The following ZNF608 variants were observed in gnomAD, a reference collection of about 807,000 sequenced individuals.
The protein encoded by ZNF608 is renal carcinoma antigen NY-REN-36.
A neutral mutation model predicts 109.0 loss-of-function variants in ZNF608; 12 were observed. The observed-to-expected ratio is 0.11, with a 90% CI of 0.07 to 0.18. The LOEUF (loss-of-function observed/expected upper bound fraction) is 0.18. Ranked by LOEUF, ZNF608 falls within the 10% of genes least tolerant of loss-of-function variation. The pLI, the probability that ZNF608 is intolerant of heterozygous loss-of-function variation, is 1.00. For synonymous variants in ZNF608, 732 were observed against 717.4 expected (o/e 1.02, Z -0.33); for missense variants, 1,707 against 1,879.3 (o/e 0.91, Z 1.70).
At chr5:124,736,839 T>C (rs1247686575) in intron 2 of ZNF608, among the ~76,000 whole-genome samples, 2 of 152,228 alleles carry the variant, frequency 1.3e-5, no homozygotes, top group Non-Finnish European at 2.9e-5. Context: ...AATTGAGGCA[T>C]ATAAAAGAGT....
At chr5:124,694,282 T>C (rs938366205) in intron 3 of ZNF608, among the ~76,000 whole-genome samples, 5 of 150,570 alleles carry the variant, frequency 3.3e-5, no homozygotes, top group Non-Finnish European at 7.4e-5. Flanking sequence ...CTTGAGCCAC[T>C]GCGCCCGGCC....
At chr5:124,710,116 G>T (rs909749889) in intron 2 of ZNF608, 6 of 425,868 alleles carry the variant, frequency 1.4e-5, no homozygotes, top group African/African-American at 6.2e-5. Context: ...TTGTCCTTGT[G>T]TGACCCTTAT....
intron 2 of ZNF608, among the ~76,000 whole-genome samples, chr5:124,733,217 C>CTTTTTT (rs67421322): frequency 2.2e-4 from 26 of 117,580 alleles, no homozygotes; most frequent in Non-Finnish European, 2.7e-4. Context: ...ATCTCTCTCT[C>CTTTTTT]TTTTTTTTTT....
At chr5:124,649,498 C>A in intron 4 of ZNF608, 112 bp downstream of exon 4, 1 of 844,252 alleles carries the variant, frequency 1.2e-6, no homozygotes, top group Non-Finnish European at 1.8e-6. Flanking sequence ...GCTCATTTCT[C>A]CTTTGCCTGG....
In ZNF608 at chr5:124,744,686, T is replaced by A; in HGVS notation, c.304A>T (p.Ser102Cys). ...TTACTCCTTTTCACTTTTGATTTGCTGGTCTCTTTGTGTGAATTCCCCTGG... is the reference window on the plus strand; with the variant it reads ...TTACTCCTTTTCACTTTTGATTTGCAGGTCTCTTTGTGTGAATTCCCCTGG... ...APQGNSHKET[S>C]KSKVKRSKTS... Residue 102 changes from serine (S) to cysteine (C), a missense_variant, in exon 2 of 10, where the codon AGC (serine) becomes TGC (cysteine). By Grantham distance (112) the Ser-to-Cys change is moderately radical. Transcript: ENST00000513986. This position sits in a 1 kb window ranked among gnomAD's most constrained non-coding sequence, Gnocchi z 4.5. The A allele has an allele frequency of 3.7e-6, 6 of 1,614,222 alleles. No homozygotes were observed. Among genetic ancestry groups the A allele is most frequent in the Non-Finnish European group, 5.1e-6 (6 of 1,180,044 alleles).
At chr5:124,686,634 G>A (rs1365227534) in intron 3 of ZNF608, among the ~76,000 whole-genome samples, 1 of 152,204 alleles carries the variant, frequency 6.6e-6, no homozygotes, top group Non-Finnish European at 1.5e-5. Flanking sequence ...TGAAGCTGAG[G>A]AAAACAGTGG....
chr5:124,649,636 G>A lies in ZNF608; in HGVS notation c.1224C>T (p.Cys408=), dbSNP rs1750693281. The A allele has an allele frequency of 6.2e-7, 1 of 1,612,324 alleles. No homozygotes were observed. Among genetic ancestry groups the A allele is most frequent in the Non-Finnish European group, 8.5e-7 (1 of 1,179,090 alleles). ...NKTYVGTLLD[C]TKHDWAPPRF... ...TGGGAGGGGCCCAGTCGTGCTTGGT[G>A]CAGTCCAGTAGGGTTCCCACGTACG... The change falls in exon 4 of 10, where the codon TGC becomes TGT. Residue 408 remains cysteine, a synonymous_variant. Coordinates refer to ENST00000513986, the MANE Select transcript of ZNF608 (RefSeq NM_020747.3).
In ZNF608 at chr5:124,744,303, G is replaced by A; in HGVS notation, c.687C>T (p.Ala229=). Residue 229 remains alanine, a synonymous_variant, in exon 2 of 10, where the codon GCC becomes GCT. Transcript: ENST00000513986. The surrounding 1 kb of genome is among the most constrained non-coding windows in gnomAD (Gnocchi z 4.5). The stretch of plus-strand genomic sequence containing the variant: ...AGCCATAGAGGTGCCCCCCGGAAGG[G>A]GCCTGGCTGCCACTGCCATTCTGGT... The part of the protein sequence containing the change: ...QGHQNGSGSQ[A]PSGGHLYGFG... 1 of 1,614,094 alleles carries A rather than the reference G, an allele frequency of 6.2e-7. No homozygotes were observed. Among genetic ancestry groups the A allele is most frequent in the Non-Finnish European group, 8.5e-7 (1 of 1,180,026 alleles).
intron 2 of ZNF608, among the ~76,000 whole-genome samples, chr5:124,721,807 G>T (rs975001297): frequency 6.6e-6 from 1 of 151,126 alleles, no homozygotes; most frequent in Non-Finnish European, 1.5e-5. Flanking sequence ...GCGAGGTGGC[G>T]GGCGCCTGTC....
At chr5:124,737,677 C>G (rs949969934) in intron 2 of ZNF608, among the ~76,000 whole-genome samples, 1 of 152,178 alleles carries the variant, frequency 6.6e-6, no homozygotes, top group Admixed American at 6.5e-5. Context: ...TTTTCTACTA[C>G]ATTCCCAAAG....
rs1165591365 is a variant in ZNF608 at position 124,647,019 on chromosome 5, G to C, written c.3365C>G (p.Thr1122Ser). ...QRLAEQKMAQ[T>S]GRGDCERKSE... The stretch of plus-strand genomic sequence containing the variant: ...TTTCCTTTCACAGTCTCCTCTCCCA[G>C]TCTGGGCCATTTTCTGCTCTGCCAG... The change falls in exon 5 of 10, where the codon ACT becomes AGT. Residue 1122 changes from threonine to serine, a missense_variant. Coordinates refer to ENST00000513986, the MANE Select transcript of ZNF608 (RefSeq NM_020747.3). 6.2e-7 allele frequency: 1 copy of C among 1,613,982 alleles called. No homozygotes were observed.
At chr5:124,709,170 C>CAAAAAAAAA (rs1156276798) in intron 2 of ZNF608, among the ~76,000 whole-genome samples, 2,031 of 32,690 alleles carry the variant, frequency 0.062, 286 homozygotes, top group Admixed American at 0.099. Flanking sequence ...GACTCTGTCT[C>CAAAAAAAAA]AAAAAAAAAA....
chr5:124,712,044 G>A (rs1580676459), intron 2 of ZNF608, among the ~76,000 whole-genome samples: 1 of 152,320 alleles, frequency 6.6e-6, no homozygotes, highest in East Asian at 1.9e-4. Flanking sequence ...GTACTCGGGA[G>A]GCTGAGGCAG....
chr5:124,733,032 T>TG (rs781418858), intron 2 of ZNF608, among the ~76,000 whole-genome samples: 2 of 149,804 alleles, frequency 1.3e-5, no homozygotes, highest in Non-Finnish European at 3.0e-5. Flanking sequence ...GCCTTCTTTG[T>TG]GAAAAAAAAA....
chr5:124,637,969 A>T, intron 9 of ZNF608, 63 bp from the exon 10 acceptor site: 1 of 1,599,110 alleles, frequency 6.3e-7, no homozygotes. Flanking sequence ...TTGTTTTTTG[A>T]GTCGGAGTTT....
chr5:124,698,598 A>G (rs546388090), intron 3 of ZNF608, among the ~76,000 whole-genome samples: 2 of 152,386 alleles, frequency 1.3e-5, no homozygotes, highest in African/African-American at 4.8e-5. Context: ...CAGAGCACGT[A>G]TAAAGGCAGT....
Position 124,647,497 on chromosome 5 carries a change from T to C in ZNF608, c.2887A>G (p.Ser963Gly), listed in dbSNP as rs1750574439. ...SRSEGMRSKA[S>G]SPSDIISSKD... Reference sequence around the variant, plus strand: ...CTAGAAATAATATCTGATGGGGAACTGGCCTTTGATCTCATACCCTCCGAC... The same window carrying C: ...CTAGAAATAATATCTGATGGGGAACCGGCCTTTGATCTCATACCCTCCGAC... The change falls in exon 5 of 10, where the codon AGT (serine) becomes GGT (glycine). Residue 963 changes from serine (S) to glycine (G), a missense_variant. Transcript: ENST00000513986. The C allele has an allele frequency of 1.2e-6, 2 of 1,614,256 alleles. No homozygotes were observed. Among genetic ancestry groups the C allele is most frequent in the Non-Finnish European group, 1.7e-6 (2 of 1,180,046 alleles).
chr5:124,639,274 C>A (rs542894867), intron 8 of ZNF608, 60 bp from the exon 9 acceptor site: 2 of 1,504,942 alleles, frequency 1.3e-6, no homozygotes, highest in Admixed American at 3.4e-5. Flanking sequence ...TAGATACAGG[C>A]CCAGTGGAGA....
intron 5 of ZNF608, among the ~76,000 whole-genome samples, chr5:124,646,053 G>A (rs865959553): frequency 2.6e-5 from 4 of 152,240 alleles, no homozygotes; most frequent in Admixed American, 1.3e-4. Flanking sequence ...GAAAGCCCTC[G>A]CCTTGGACTA....
Sources: gnomAD v4.1 joint callset for allele counts (sites outside exome capture counted in the v4.1 genomes callset) on GRCh38, gnomAD v4.1.1 for gene constraint, Gnocchi (gnomAD v3.1) non-coding constraint, MANE v1.5 for transcripts, NCBI Gene and HGNC (gene_info 2026-07-23, HGNC 2026-07-21) for gene names.